The following TASP1 variants were observed in gnomAD, a reference collection of about 807,000 sequenced individuals.
The protein encoded by TASP1 is threonine aspartase 1.
Under a neutral mutation model 56.6 loss-of-function variants are expected in TASP1, and 16 were observed. That is an observed-to-expected ratio of 0.28 (90% CI 0.19 to 0.43). The LOEUF is 0.43. TASP1 is among the 20% of genes least tolerant of loss of function. TASP1 has a pLI of 1.00. For missense variants in TASP1, 393 were observed against 511.6 expected (o/e 0.77, Z 2.24); for synonymous variants, 179 against 184.2 (o/e 0.97, Z 0.23).
the TASP1 span, among the ~76,000 whole-genome samples, chr20:13,156,846 A>T: frequency 6.6e-6 from 1 of 152,232 alleles, no homozygotes; most frequent in African/African-American, 2.4e-5. Flanking sequence ...CCACGGTTGC[A>T]TGGCTCTCCA....
chr20:13,538,723 G>A (rs2045507983), intron 8 of TASP1, among the ~76,000 whole-genome samples: 2 of 152,174 alleles, frequency 1.3e-5, no homozygotes, highest in South Asian at 4.1e-4. Flanking sequence ...GTGGGCTACA[G>A]TTTATCAACT....
the TASP1 span, among the ~76,000 whole-genome samples, chr20:13,140,158 T>G: frequency 6.6e-6 from 1 of 152,150 alleles, no homozygotes; most frequent in Non-Finnish European, 1.5e-5. Flanking sequence ...ATTTTGGAAA[T>G]AGTAGCATAC....
the TASP1 span, among the ~76,000 whole-genome samples, chr20:13,118,448 G>GAAAAAAAAAAAAAAAAAA: frequency 9.2e-6 from 1 of 108,720 alleles, no homozygotes. Context: ...AGAGGTTTGT[G>GAAAAAAAAAAAAAAAAAA]GAAAAAAAAA....
chr20:13,307,676 T>C, the TASP1 span, among the ~76,000 whole-genome samples: 6 of 152,208 alleles, frequency 3.9e-5, no homozygotes, highest in African/African-American at 1.4e-4. Flanking sequence ...TTCGGGTAAA[T>C]GGAATCGTAC....
intron 8 of TASP1, among the ~76,000 whole-genome samples, chr20:13,541,365 C>T (rs778432450): frequency 6.6e-6 from 1 of 152,002 alleles, no homozygotes; most frequent in Non-Finnish European, 1.5e-5. Flanking sequence ...CTTTTAGGAA[C>T]AAAATTAAAG....
At chr20:13,226,291 A>T in the TASP1 span, among the ~76,000 whole-genome samples, 1 of 152,236 alleles carries the variant, frequency 6.6e-6, no homozygotes, top group Non-Finnish European at 1.5e-5. Context: ...CAAGCCACTT[A>T]TAGCAGTAGA....
chr20:13,204,255 A>AAAGGCTTCCCTC, the TASP1 span, among the ~76,000 whole-genome samples: 7 of 152,174 alleles, frequency 4.6e-5, no homozygotes, highest in African/African-American at 1.7e-4. Context: ...TGGGAAGCCA[A>AAAGGCTTCCCTC]TGACAGAGAC....
the TASP1 span, among the ~76,000 whole-genome samples, chr20:13,225,722 A>G: frequency 2.6e-5 from 4 of 152,204 alleles, no homozygotes; most frequent in African/African-American, 7.2e-5. Context: ...TGAGAAAACT[A>G]TCTGCAGTAG....
At chr20:13,170,625 T>G in the TASP1 span, among the ~76,000 whole-genome samples, 1 of 152,350 alleles carries the variant, frequency 6.6e-6, no homozygotes, top group South Asian at 2.1e-4. Flanking sequence ...CTCCCTTTTA[T>G]TCAGCCCAGC....
chr20:13,208,798 G>T, the TASP1 span, among the ~76,000 whole-genome samples: 1 of 152,216 alleles, frequency 6.6e-6, no homozygotes, highest in African/African-American at 2.4e-5. Context: ...CTGGGCCACA[G>T]GCCTCCTCAC....
intron 10 of TASP1, among the ~76,000 whole-genome samples, chr20:13,520,191 T>C (rs1193682610): frequency 6.6e-6 from 1 of 152,112 alleles, no homozygotes; most frequent in Non-Finnish European, 1.5e-5. Flanking sequence ...AAAATGGCCA[T>C]ACTGTCCAAG....
At chr20:13,201,542 T>C in the TASP1 span, among the ~76,000 whole-genome samples, 2 of 151,514 alleles carry the variant, frequency 1.3e-5, no homozygotes, top group Non-Finnish European at 2.9e-5. Context: ...AAAATAGCAC[T>C]TAATTATCAT....
chr20:13,461,003 A>G (rs1232537798), intron 11 of TASP1, among the ~76,000 whole-genome samples: 1 of 152,114 alleles, frequency 6.6e-6, no homozygotes, highest in East Asian at 1.9e-4. Context: ...CATGGCCCTT[A>G]CTACTTCTTC....
the TASP1 span, among the ~76,000 whole-genome samples, chr20:13,253,757 A>C: frequency 2.0e-5 from 3 of 152,090 alleles, no homozygotes; most frequent in African/African-American, 7.2e-5. Flanking sequence ...ACTCAGTATC[A>C]TTATCAGTTT....
chr20:13,185,572 T>C, the TASP1 span, among the ~76,000 whole-genome samples: 1 of 152,182 alleles, frequency 6.6e-6, no homozygotes, highest in Non-Finnish European at 1.5e-5. Context: ...ATTGAAATTG[T>C]TTATTTTCTG....
At chr20:13,454,526 G>A (rs1252448895) in intron 11 of TASP1, among the ~76,000 whole-genome samples, 1 of 152,132 alleles carries the variant, frequency 6.6e-6, no homozygotes, top group Non-Finnish European at 1.5e-5. Flanking sequence ...ACATGACTGA[G>A]GACTGAAGCC....
chr20:13,617,998 G>A (rs1280262370), intron 4 of TASP1, among the ~76,000 whole-genome samples: 1 of 152,052 alleles, frequency 6.6e-6, no homozygotes, highest in Non-Finnish European at 1.5e-5. Context: ...AGAGCCCAGG[G>A]AAGAGAATAT....
intron 13 of TASP1, among the ~76,000 whole-genome samples, chr20:13,409,733 A>C (rs2042035979): frequency 6.6e-6 from 1 of 152,028 alleles, no homozygotes; most frequent in Non-Finnish European, 1.5e-5. Flanking sequence ...TATGGGATAC[A>C]TGTGATACTT....
the TASP1 span, among the ~76,000 whole-genome samples, chr20:13,125,270 G>A: frequency 1.3e-5 from 2 of 152,206 alleles, no homozygotes; most frequent in Non-Finnish European, 2.9e-5. Context: ...GGTGAAAAAT[G>A]GCTCCTACCA....
Sources: gnomAD v4.1 joint callset for allele counts (sites outside exome capture counted in the v4.1 genomes callset) on GRCh38, gnomAD v4.1.1 for gene constraint, MANE v1.5 for transcripts, NCBI Gene and HGNC (gene_info 2026-07-23, HGNC 2026-07-21) for gene names.